Variants in LRRTM4 observed in about 807,000 individuals in gnomAD.
LRRTM4 encodes leucine-rich repeat transmembrane neuronal protein 4.
In LRRTM4, 25 loss-of-function variants were observed where a neutral mutation model predicts 47.6. That is an observed-to-expected ratio of 0.53 (90% CI 0.38 to 0.73). The LOEUF is 0.73. LRRTM4 is among the 30% of genes least tolerant of loss of function. LRRTM4 has a pLI of 0.00. For synonymous variants in LRRTM4, 311 were observed against 269.5 expected, an observed-to-expected ratio of 1.15 and a Z score of -1.51; for missense variants, 638 against 713.4, an observed-to-expected ratio of 0.89 and a Z score of 1.20.
At chr2:77,195,529 A>G (rs970847853) in intron 3 of LRRTM4, among the ~76,000 whole-genome samples, 1 of 152,112 alleles carries the variant, frequency 6.6e-6, no homozygotes, top group Non-Finnish European at 1.5e-5. Context: ...AAATTTATCA[A>G]ATACCTTTAC....
At chr2:77,026,998 T>G (rs1573469025) in intron 3 of LRRTM4, among the ~76,000 whole-genome samples, 1 of 152,270 alleles carries the variant, frequency 6.6e-6, no homozygotes, top group African/African-American at 2.4e-5. Flanking sequence ...GAACAGAATT[T>G]GAGTTCCTGC....
intron 3 of LRRTM4, among the ~76,000 whole-genome samples, chr2:76,913,009 G>A (rs912713609): frequency 6.6e-6 from 1 of 152,122 alleles, no homozygotes; most frequent in African/African-American, 2.4e-5. Context: ...GGGTGAGAAC[G>A]GACTGATATA....
chr2:77,480,876 C>T (rs1677675425), intron 3 of LRRTM4, among the ~76,000 whole-genome samples: 1 of 116,484 alleles, frequency 8.6e-6, no homozygotes, highest in South Asian at 2.9e-4. Context: ...AAATAGCTCT[C>T]ATGCAGGATT....
intron 3 of LRRTM4, among the ~76,000 whole-genome samples, chr2:76,925,504 G>C (rs573713140): frequency 1.2e-4 from 18 of 152,244 alleles, no homozygotes; most frequent in African/African-American, 4.3e-4. Flanking sequence ...TGTTGATGTA[G>C]CCCATTAAGC....
intron 3 of LRRTM4, among the ~76,000 whole-genome samples, chr2:77,487,747 T>C (rs936420874): frequency 1.3e-5 from 2 of 152,084 alleles, no homozygotes; most frequent in African/African-American, 4.8e-5. Flanking sequence ...GAGTGAGAAC[T>C]TATGGTGCTT....
At chr2:77,299,399 G>A (rs751944469) in intron 3 of LRRTM4, among the ~76,000 whole-genome samples, 4 of 150,568 alleles carry the variant, frequency 2.7e-5, no homozygotes, top group South Asian at 4.2e-4. Context: ...GTATATATAC[G>A]TATATATACA....
intron 3 of LRRTM4, among the ~76,000 whole-genome samples, chr2:77,195,407 A>G (rs184013889): frequency 2.8e-4 from 42 of 152,232 alleles, no homozygotes; most frequent in Admixed American, 9.8e-4. Flanking sequence ...AAGCACTTAT[A>G]GCTTGAATAA....
intron 3 of LRRTM4, among the ~76,000 whole-genome samples, chr2:77,328,167 T>C (rs1035196998): frequency 6.6e-6 from 1 of 152,222 alleles, no homozygotes; most frequent in Admixed American, 6.5e-5. Context: ...GTTTTATCCA[T>C]TAACTCCATA....
At chr2:76,939,386 C>CA (rs759821930) in intron 3 of LRRTM4, among the ~76,000 whole-genome samples, 1 of 151,810 alleles carries the variant, frequency 6.6e-6, no homozygotes, top group Non-Finnish European at 1.5e-5. Context: ...AGTAAATGGG[C>CA]AAAAAAGTAG....
intron 3 of LRRTM4, among the ~76,000 whole-genome samples, chr2:77,132,270 C>T (rs1167879758): frequency 6.6e-6 from 1 of 152,110 alleles, no homozygotes; most frequent in Non-Finnish European, 1.5e-5. Flanking sequence ...TGGCTTATTT[C>T]ACTTAGCATA....
At chr2:77,276,653 C>A (rs1279401259) in intron 3 of LRRTM4, among the ~76,000 whole-genome samples, 1 of 129,178 alleles carries the variant, frequency 7.7e-6, no homozygotes, top group African/African-American at 2.8e-5. Flanking sequence ...AATAGAAGAT[C>A]AGTAAATGTT....
intron 3 of LRRTM4, among the ~76,000 whole-genome samples, chr2:76,799,934 T>C (rs1167507293): frequency 6.6e-6 from 1 of 150,804 alleles, no homozygotes; most frequent in Non-Finnish European, 1.5e-5. Context: ...TACAAACCAC[T>C]GCTCAAGGAA....
intron 3 of LRRTM4, among the ~76,000 whole-genome samples, chr2:76,849,856 T>C (rs1671941502): frequency 6.6e-6 from 1 of 152,162 alleles, no homozygotes; most frequent in Admixed American, 6.6e-5. Context: ...GTGCTAATGA[T>C]ACATTCCTTT....
intron 3 of LRRTM4, among the ~76,000 whole-genome samples, chr2:77,017,804 C>CT (rs774142986): frequency 6.6e-6 from 1 of 150,982 alleles, no homozygotes; most frequent in African/African-American, 2.5e-5. Context: ...ATTAATTTAG[C>CT]TTTTTTATAA....
intron 3 of LRRTM4, among the ~76,000 whole-genome samples, chr2:76,749,747 C>A (rs1672783061): frequency 6.6e-6 from 1 of 152,032 alleles, no homozygotes; most frequent in Non-Finnish European, 1.5e-5. Context: ...TTTAATTAAG[C>A]CATAAATTTC....
At chr2:76,780,608 A>G (rs1453432591) in intron 3 of LRRTM4, among the ~76,000 whole-genome samples, 1 of 152,050 alleles carries the variant, frequency 6.6e-6, no homozygotes, top group East Asian at 1.9e-4. Context: ...TTTCAGCTCC[A>G]TCACCTCCTT....
intron 3 of LRRTM4, among the ~76,000 whole-genome samples, chr2:77,031,077 T>C (rs1678636280): frequency 6.6e-6 from 1 of 152,196 alleles, no homozygotes; most frequent in Non-Finnish European, 1.5e-5. Context: ...TACTCAGGTT[T>C]GTAAGCACAA....
chr2:77,367,021 C>A (rs1426851510), intron 3 of LRRTM4, among the ~76,000 whole-genome samples: 3 of 151,742 alleles, frequency 2.0e-5, no homozygotes, highest in Admixed American at 2.0e-4. Context: ...TTCTCCATCC[C>A]TGCCACATAA....
intron 3 of LRRTM4, among the ~76,000 whole-genome samples, chr2:77,019,952 T>C (rs1427098709): frequency 6.6e-6 from 1 of 152,028 alleles, no homozygotes; most frequent in Non-Finnish European, 1.5e-5. Context: ...AATAAATTAT[T>C]ATTGGAGGCT....
Sources: gnomAD v4.1 joint callset for allele counts (sites outside exome capture counted in the v4.1 genomes callset) on GRCh38, gnomAD v4.1.1 for gene constraint, MANE v1.5 for transcripts, NCBI Gene and HGNC (gene_info 2026-07-23, HGNC 2026-07-21) for gene names.